RSRC1: variants seen among roughly 807,000 people sequenced by gnomAD.
RSRC1 encodes arginine and serine rich coiled-coil 1, also known as serine/Arginine-related protein 53.
Under a neutral mutation model 49.1 loss-of-function variants are expected in RSRC1, and 39 were observed. That is an observed-to-expected ratio of 0.79 (90% CI 0.61 to 1.04). RSRC1 has a LOEUF of 1.04. Ranked by LOEUF, RSRC1 falls within the 50% of genes least tolerant of loss-of-function variation. The pLI is 0.00. For missense variants in RSRC1, 388 were observed against 402.4 expected, an observed-to-expected ratio of 0.96 and a Z score of 0.31; for synonymous variants, 143 against 130.8, an observed-to-expected ratio of 1.09 and a Z score of -0.63.
chr3:158,146,524 G>A (rs544546445), intron 3 of RSRC1, among the ~76,000 whole-genome samples: 7 of 152,182 alleles, frequency 4.6e-5, no homozygotes, highest in South Asian at 4.2e-4. Flanking sequence ...TGCTGGGTTC[G>A]GTTTGCCAGT....
At chr3:158,193,947 T>C (rs1187876842) in intron 3 of RSRC1, among the ~76,000 whole-genome samples, 2 of 152,086 alleles carry the variant, frequency 1.3e-5, no homozygotes, top group Middle Eastern at 3.4e-3. Flanking sequence ...CAGGTCGACA[T>C]ACTAGTTCAT....
At chr3:158,341,428 T>G (rs1164447965) in intron 5 of RSRC1, among the ~76,000 whole-genome samples, 3 of 152,098 alleles carry the variant, frequency 2.0e-5, no homozygotes. Context: ...AAAGAGCCAA[T>G]GTACAGCTCG....
intron 7 of RSRC1, among the ~76,000 whole-genome samples, chr3:158,493,143 G>A (rs373464713): frequency 1.3e-5 from 2 of 152,158 alleles, no homozygotes; most frequent in African/African-American, 4.8e-5. Context: ...GAAGTAAAGT[G>A]AGATTTGTTA....
intron 5 of RSRC1, among the ~76,000 whole-genome samples, chr3:158,323,617 A>T (rs1728889010): frequency 6.6e-6 from 1 of 152,152 alleles, no homozygotes; most frequent in African/African-American, 2.4e-5. Flanking sequence ...CTGAAGCAGT[A>T]GGTTTTTGCC....
chr3:158,543,184 A>G, intron 8 of RSRC1, 151 bp from the exon 9 acceptor site: 1 of 475,906 alleles, frequency 2.1e-6, no homozygotes, highest in South Asian at 9.3e-5. Flanking sequence ...TATTTCTAAA[A>G]CAAACAAATA....
At chr3:158,145,413 G>C (rs905551152) in intron 3 of RSRC1, among the ~76,000 whole-genome samples, 1 of 152,056 alleles carries the variant, frequency 6.6e-6, no homozygotes, top group Non-Finnish European at 1.5e-5. Context: ...TCTTGTTTTT[G>C]TCAGGTTTGT....
chr3:158,494,483 C>T (rs1196953315), intron 7 of RSRC1, among the ~76,000 whole-genome samples: 2 of 152,044 alleles, frequency 1.3e-5, no homozygotes, highest in Non-Finnish European at 2.9e-5. Context: ...GTACGTTAGG[C>T]TATACTAAGT....
intron 3 of RSRC1, among the ~76,000 whole-genome samples, chr3:158,150,793 G>A (rs1208311814): frequency 6.6e-6 from 1 of 152,094 alleles, no homozygotes; most frequent in African/African-American, 2.4e-5. Flanking sequence ...GTTTGGGAGC[G>A]AGGGGTGCTT....
chr3:158,129,552 G>A (rs9871021), intron 3 of RSRC1, among the ~76,000 whole-genome samples: 108,033 of 151,842 alleles, frequency 0.71, 39,158 homozygotes, highest in African/African-American at 0.83. Context: ...TGGCCTCCCA[G>A]AGTGCTGGGA....
At chr3:158,456,284 G>A (rs1737312513) in intron 6 of RSRC1, among the ~76,000 whole-genome samples, 1 of 150,030 alleles carries the variant, frequency 6.7e-6, no homozygotes, top group African/African-American at 2.5e-5. Flanking sequence ...AGTAGATGGG[G>A]AAAGAGGGTG....
At chr3:158,403,750 C>A (rs1484791035) in intron 6 of RSRC1, among the ~76,000 whole-genome samples, 1 of 151,536 alleles carries the variant, frequency 6.6e-6, no homozygotes, top group African/African-American at 2.4e-5. Context: ...ATAATGTGTT[C>A]CTATTTTATG....
intron 6 of RSRC1, among the ~76,000 whole-genome samples, chr3:158,407,255 G>A (rs976919251): frequency 6.6e-6 from 1 of 152,122 alleles, no homozygotes; most frequent in Admixed American, 6.6e-5. Flanking sequence ...AAATGCCTTC[G>A]TCTTAAAATG....
At chr3:158,401,402 T>C (rs918283227) in intron 6 of RSRC1, among the ~76,000 whole-genome samples, 3 of 152,036 alleles carry the variant, frequency 2.0e-5, no homozygotes, top group African/African-American at 7.2e-5. Flanking sequence ...CTTTAAACCA[T>C]TTATTTCTTT....
intron 2 of RSRC1, among the ~76,000 whole-genome samples, chr3:158,123,498 G>C (rs57665991): frequency 0.22 from 33,263 of 151,970 alleles, 4,226 homozygotes; most frequent in Non-Finnish European, 0.29. Context: ...TGGCCTTGCT[G>C]TGTTGCCCAA....
At chr3:158,533,973 C>CT (rs937628689) in intron 7 of RSRC1, among the ~76,000 whole-genome samples, 1 of 151,584 alleles carries the variant, frequency 6.6e-6, no homozygotes. Flanking sequence ...TCTAGAGGAG[C>CT]TTTCATTGTA....
At chr3:158,420,058 A>G (rs544192047) in intron 6 of RSRC1, among the ~76,000 whole-genome samples, 67 of 151,806 alleles carry the variant, frequency 4.4e-4, no homozygotes, top group Admixed American at 1.5e-3. Flanking sequence ...AGGCAGGCTC[A>G]CAAAAGCCTC....
At chr3:158,118,031 C>T (rs1714958161) in intron 1 of RSRC1, among the ~76,000 whole-genome samples, 1 of 152,074 alleles carries the variant, frequency 6.6e-6, no homozygotes, top group Admixed American at 6.6e-5. Context: ...CTCACTGTAG[C>T]CTCGCCCACT....
At chr3:158,455,777 C>G (rs9872889) in intron 6 of RSRC1, among the ~76,000 whole-genome samples, 76,899 of 151,622 alleles carry the variant, frequency 0.51, 20,273 homozygotes, top group African/African-American at 0.64. Flanking sequence ...GTCAGGAGTT[C>G]ACGACCAGCC....
chr3:158,531,492 G>A (rs1712398563), intron 7 of RSRC1, among the ~76,000 whole-genome samples: 1 of 151,910 alleles, frequency 6.6e-6, no homozygotes, highest in African/African-American at 2.4e-5. Flanking sequence ...GATATAGTAA[G>A]CAGTTTAAGG....
Sources: allele counts gnomAD v4.1 joint callset (sites outside exome capture counted in the v4.1 genomes callset), GRCh38; gene constraint gnomAD v4.1.1; transcripts MANE v1.5; gene names NCBI Gene and HGNC (gene_info 2026-07-23, HGNC 2026-07-21).